The following GUCY2C variants were observed in gnomAD, a reference collection of about 807,000 sequenced individuals.
GUCY2C encodes the protein guanylyl cyclase C.
GUCY2C carries 118 observed loss-of-function variants against 131.1 expected under a neutral mutation model. The ratio of observed to expected loss-of-function variants is 0.90; its 90% CI spans 0.78 to 1.05. The LOEUF (loss-of-function observed/expected upper bound fraction) is 1.05. Among genes scored for constraint, GUCY2C ranks in the 50% least tolerant of loss-of-function variants. The pLI, the probability that GUCY2C is intolerant of heterozygous loss-of-function variation, is 0.00. For synonymous variants in GUCY2C, 452 were observed against 457.8 expected, an observed-to-expected ratio of 0.99 and a Z score of 0.16; for missense variants, 1,161 against 1,304.4, an observed-to-expected ratio of 0.89 and a Z score of 1.69.
chr12:14,666,074 G>A (rs1432840370), intron 10 of GUCY2C: 1 of 152,320 alleles, frequency 6.6e-6, no homozygotes, highest in Non-Finnish European at 1.5e-5. Context: ...GTTATATAGG[G>A]AGGCTTCAGG....
At chr12:14,660,889 T>C (rs1289832649) in intron 11 of GUCY2C, 92 bp downstream of exon 11, 1 of 811,202 alleles carries the variant, frequency 1.2e-6, no homozygotes, top group Non-Finnish European at 2.1e-6. Flanking sequence ...TCTTTGTGAA[T>C]ATTCATCATC....
At chr12:14,639,277 G>A (rs930092236) in intron 19 of GUCY2C, among the ~76,000 whole-genome samples, 1 of 141,924 alleles carries the variant, frequency 7.0e-6, no homozygotes, top group African/African-American at 2.7e-5. Flanking sequence ...TAGTGACAGA[G>A]TGACAGAGCA....
intron 1 of GUCY2C, among the ~76,000 whole-genome samples, chr12:14,691,779 A>T (rs1948578369): frequency 6.6e-6 from 1 of 152,120 alleles, no homozygotes; most frequent in Non-Finnish European, 1.5e-5. Context: ...GTTGAGTGTG[A>T]CCTCAGACAA....
rs1387172364 is a variant in GUCY2C, at chr12:14,681,377, C to T, written c.712G>A (p.Asp238Asn). 3 of 1,612,694 alleles carry T rather than the reference C, an allele frequency of 1.9e-6. No individual in the cohort carries two copies. Among genetic ancestry groups the T allele is most frequent in the Non-Finnish European group, 2.5e-6 (3 of 1,178,888 alleles). Residue 238 changes from aspartate to asparagine, a missense_variant, in exon 5 of 27, where the codon GAC becomes AAC. Physicochemically the swap from Asp to Asn is conservative, Grantham distance 23. Transcript: ENST00000261170. The part of the protein sequence containing the change: ...QDKEFQDILM[D>N]HNRKSNVIIM... ...TTACCATTGCTTTTCCTGTTGTGGT[C>T]CATTAAGATATCCTGAAACTCCTTA... is the stretch of plus-strand genomic sequence containing the variant.
chr12:14,684,940 G>A (rs1389604731), intron 3 of GUCY2C, among the ~76,000 whole-genome samples: 1 of 152,068 alleles, frequency 6.6e-6, no homozygotes, highest in Non-Finnish European at 1.5e-5. Context: ...GCCTCCCAAA[G>A]CCCTGGCATT....
intron 10 of GUCY2C, among the ~76,000 whole-genome samples, chr12:14,663,993 T>C (rs1457084417): frequency 1.3e-5 from 2 of 152,212 alleles, no homozygotes; most frequent in Non-Finnish European, 2.9e-5. Context: ...ATTATGTCCT[T>C]CTGAAGTAGA....
intron 8 of GUCY2C, 99 bp from the exon 9 acceptor site, chr12:14,673,057 T>A: frequency 1.4e-6 from 1 of 704,892 alleles, no homozygotes; most frequent in Non-Finnish European, 2.6e-6. Flanking sequence ...CAAATAGCTC[T>A]GTTTCAAATT....
chr12:14,677,087 T>A (rs374016924), intron 6 of GUCY2C, 116 bp from the exon 7 acceptor site: 1 of 376,370 alleles, frequency 2.7e-6, no homozygotes, highest in African/African-American at 2.1e-5. Context: ...TTTTTTTTCA[T>A]TAATCTGCAA....
intron 20 of GUCY2C, among the ~76,000 whole-genome samples, chr12:14,626,320 T>TAAAC (rs368738428): frequency 1.2e-4 from 19 of 152,040 alleles, no homozygotes; most frequent in South Asian, 6.2e-4. Context: ...GACTCTGTCT[T>TAAAC]AAACAAACAA....
chr12:14,678,862 G>A (rs2137085576), intron 6 of GUCY2C, among the ~76,000 whole-genome samples: 1 of 152,158 alleles, frequency 6.6e-6, no homozygotes, highest in East Asian at 1.9e-4. Flanking sequence ...TTGTCAGTGG[G>A]GTCTCCAACC....
chr12:14,634,722 T>C (rs553795246), intron 19 of GUCY2C, among the ~76,000 whole-genome samples: 2 of 152,248 alleles, frequency 1.3e-5, no homozygotes, highest in East Asian at 3.9e-4. Context: ...AAGAAACTCA[T>C]CTTATCTGTA....
At chr12:14,674,798 A>G (rs746399212) in intron 7 of GUCY2C, 38 bp from the exon 8 acceptor site, 4 of 1,516,916 alleles carry the variant, frequency 2.6e-6, no homozygotes, top group East Asian at 2.3e-5. Flanking sequence ...GGGTCCTTCA[A>G]AAAAGAATCT....
intron 1 of GUCY2C, among the ~76,000 whole-genome samples, chr12:14,690,331 T>A (rs371105121): frequency 1.4e-4 from 21 of 152,306 alleles, no homozygotes; most frequent in African/African-American, 5.1e-4. Flanking sequence ...ATTATGTTCA[T>A]CCTGGCTTGA....
In GUCY2C at chr12:14,613,692, G is replaced by A. The variant is rs188008130; in HGVS notation, c.3048-401C>T. On this transcript the variant is annotated intron_variant, in intron 26 of 26. Coordinates refer to ENST00000261170, the MANE Select transcript of GUCY2C (RefSeq NM_004963.4). This position sits in a 1 kb window ranked among gnomAD's most constrained non-coding sequence, Gnocchi z 4.9. Reference sequence around the variant, plus strand: ...TGGGGAAGGCTTAGAATGGTGGAGGGGACCACGAGTTTAGAATGGACCTGG... The same window carrying A: ...TGGGGAAGGCTTAGAATGGTGGAGGAGACCACGAGTTTAGAATGGACCTGG... Among the ~76,000 whole-genome samples the A allele has an allele frequency of 3.3e-5, 5 of 152,160 alleles. No homozygotes were observed. Among genetic ancestry groups the A allele is most frequent in the Admixed American group, 3.3e-4 (5 of 15,266 alleles).
chr12:14,674,483 G>T, intron 8 of GUCY2C, 142 bp downstream of exon 8: 1 of 807,852 alleles, frequency 1.2e-6, no homozygotes, highest in Non-Finnish European at 2.2e-6. Flanking sequence ...CAAAGTTTAT[G>T]TAATGATGTT....
In GUCY2C at chr12:14,616,659, C is replaced by T; in HGVS notation, c.2944G>A (p.Glu982Lys). 1 of 1,599,336 alleles carries T rather than the reference C, an allele frequency of 6.3e-7. No individual in the cohort carries two copies. The highest frequency in any genetic ancestry group is 8.6e-7 in the Non-Finnish European group (1 of 1,166,730). Residue 982 changes from glutamate (E) to lysine (K), a missense_variant, in exon 25 of 27, where the codon GAA becomes AAA. Glu to Lys is a moderately conservative substitution (Grantham distance 56, BLOSUM62 1). Coordinates refer to ENST00000261170, the MANE Select transcript of GUCY2C (RefSeq NM_004963.4). The stretch of plus-strand genomic sequence containing the variant: ...TTTAAGTATGTTTCTCCTCTCACTT[C>T]ATAAAGGAACTGGCACTCAGTTCTC... ...LKRTECQFLY[E>K]VRGETYLKGR...
intron 10 of GUCY2C, chr12:14,665,747 G>A (rs1233499621): frequency 6.6e-6 from 1 of 152,156 alleles, no homozygotes; most frequent in African/African-American, 2.4e-5. Context: ...TTAAATAAAT[G>A]AAAGAACAGG....
chr12:14,638,292 A>G (rs937160187), intron 19 of GUCY2C, among the ~76,000 whole-genome samples: 30 of 152,220 alleles, frequency 2.0e-4, no homozygotes, highest in African/African-American at 5.1e-4. Context: ...TATAGCCACT[A>G]TGGAAAATAG....
chr12:14,683,089 G>A lies in GUCY2C; in HGVS notation c.564C>T (p.Ser188=), dbSNP rs867933355. ...NDLPFKTYSW[S]TSYVYKNGTE... ...TACCATTCTTGTAAACATACGAAGT[G>A]CTCCAGGAATAAGTTTTGAAGGGCA... Residue 188 remains serine (S), a synonymous_variant, in exon 4 of 27, where the codon AGC becomes AGT. Coordinates refer to ENST00000261170, the MANE Select transcript of GUCY2C (RefSeq NM_004963.4). The A allele has an allele frequency of 1.9e-6, 3 of 1,613,624 alleles. No homozygotes were observed. The highest frequency in any genetic ancestry group is 2.5e-6 in the Non-Finnish European group (3 of 1,179,608).
Sources: gnomAD v4.1 joint callset for allele counts (sites outside exome capture counted in the v4.1 genomes callset) on GRCh38, gnomAD v4.1.1 for gene constraint, Gnocchi (gnomAD v3.1) non-coding constraint, MANE v1.5 for transcripts, NCBI Gene and HGNC (gene_info 2026-07-23, HGNC 2026-07-21) for gene names.